The following DOCK8 variants were observed in gnomAD, a reference collection of about 807,000 sequenced individuals.
DOCK8 encodes the protein dedicator of cytokinesis protein 8.
Under a neutral mutation model 245.6 loss-of-function variants are expected in DOCK8, and 141 were observed. That is an observed-to-expected ratio of 0.57 (90% CI 0.50 to 0.66). DOCK8 has a LOEUF of 0.66. Among genes scored for constraint, DOCK8 ranks in the 30% least tolerant of loss-of-function variants. The pLI is 0.00. For synonymous variants in DOCK8, 1,168 were observed against 970.2 expected, an observed-to-expected ratio of 1.20 and a Z score of -3.79; for missense variants, 2,965 against 2,603.4, an observed-to-expected ratio of 1.14 and a Z score of -3.02.
intron 24 of DOCK8, among the ~76,000 whole-genome samples, chr9:391,437 A>T (rs1336829786): frequency 3.9e-5 from 6 of 152,270 alleles, no homozygotes; most frequent in South Asian, 2.1e-4. Flanking sequence ...GGCCCAATTA[A>T]TATCTGTTGG....
At chr9:324,528 G>C (rs1415011118) in intron 7 of DOCK8, among the ~76,000 whole-genome samples, 1 of 152,034 alleles carries the variant, frequency 6.6e-6, no homozygotes, top group Non-Finnish European at 1.5e-5. Flanking sequence ...ATTATGCTTT[G>C]GGATTCACCG....
chr9:441,510 A>G, intron 41 of DOCK8, 93 bp downstream of exon 41: 2 of 1,581,728 alleles, frequency 1.3e-6, no homozygotes, highest in Non-Finnish European at 1.7e-6. Flanking sequence ...CCAGGGAGTG[A>G]TTTATCTTTA....
chr9:414,930 C>T lies in DOCK8; in HGVS notation c.3679C>T (p.Pro1227Ser). The T allele has an allele frequency of 6.2e-7, 1 of 1,613,860 alleles. No homozygotes were observed. The highest frequency in any genetic ancestry group is 8.5e-7 in the Non-Finnish European group (1 of 1,180,018). ...AGTTGGCATCATTTTGGATGCTTTG[C>T]CACAGCTCTGTGACTTTACAGGTAA... is the stretch of plus-strand genomic sequence containing the variant. ...PLVGIILDAL[P>S]QLCDFTVADT... The change falls in exon 29 of 48, where the codon CCA becomes TCA. Residue 1227 changes from proline (P) to serine (S), a missense_variant. Pro to Ser is a moderately conservative substitution (Grantham distance 74). Around this residue, in one of 3 missense-constraint regions of DOCK8, gnomAD observed 2,825 missense variants for 2,453.5 expected, o/e 1.15. Transcript: ENST00000432829.
At chr9:398,946 A>G (rs1470379935) in intron 25 of DOCK8, among the ~76,000 whole-genome samples, 200 bp from the exon 26 acceptor site, 7 of 152,244 alleles carry the variant, frequency 4.6e-5, no homozygotes, top group Non-Finnish European at 8.8e-5. Flanking sequence ...CTAAATATTA[A>G]CAGTGCACGA....
At chr9:216,134 G>C (rs978241063) in intron 1 of DOCK8, among the ~76,000 whole-genome samples, 2 of 152,158 alleles carry the variant, frequency 1.3e-5, no homozygotes, top group African/African-American at 4.8e-5. Flanking sequence ...GTGACTGCCA[G>C]CAAACTGTTT....
chr9:334,543 G>C (rs2051217404), intron 11 of DOCK8, among the ~76,000 whole-genome samples, 159 bp downstream of exon 11: 1 of 152,182 alleles, frequency 6.6e-6, no homozygotes, highest in African/African-American at 2.4e-5. Flanking sequence ...GGATTACGTA[G>C]ATTTGGACGG....
At chr9:394,593 A>G (rs1459548004) in intron 24 of DOCK8, among the ~76,000 whole-genome samples, 3 of 152,210 alleles carry the variant, frequency 2.0e-5, no homozygotes, top group Non-Finnish European at 4.4e-5. Flanking sequence ...CGACTTTCAC[A>G]CTTGCTAATG....
chr9:425,105 A>C (rs1361756527), intron 33 of DOCK8, among the ~76,000 whole-genome samples: 1 of 152,230 alleles, frequency 6.6e-6, no homozygotes, highest in Non-Finnish European at 1.5e-5. Context: ...AATATATTAA[A>C]AATAATTTCA....
chr9:446,492 G>A lies in DOCK8; in HGVS notation c.5703G>A (p.Leu1901=). 6.2e-7 allele frequency: 1 copy of A among 1,614,212 alleles called. No homozygotes were observed. The change falls in exon 44 of 48, where the codon CTG becomes CTA. Residue 1901 remains leucine, a synonymous_variant. Coordinates refer to ENST00000432829, the MANE Select transcript of DOCK8 (RefSeq NM_203447.4). ...RRFMYTTPFT[L]EGRPRGELHE... ...TCATGTACACCACCCCGTTCACCCT[G>A]GAGGGGCGGCCTCGGGGAGAGCTGC...
Position 464,540 on chromosome 9 carries a change from T to C in DOCK8, c.*321T>C, listed in dbSNP as rs2057912474. On this transcript the variant is annotated 3_prime_UTR_variant, in exon 48 of 48. Transcript: ENST00000432829. ...GCTGACTGGCCAATCACTGCCCATC[T>C]GAGAGATGATTTCCTCTGGCCCATA... 4.6e-6 allele frequency: 2 copies of C among 432,600 alleles called. No individual in the cohort carries two copies. Among genetic ancestry groups the C allele is most frequent in the Non-Finnish European group, 8.5e-6 (2 of 234,424 alleles). The allele number at this position is 432,600 out of a possible 1,614,324, so 26.8% of individuals were successfully genotyped here.
chr9:365,144 T>C (rs1015255970), intron 14 of DOCK8, among the ~76,000 whole-genome samples: 1 of 152,234 alleles, frequency 6.6e-6, no homozygotes, highest in African/African-American at 2.4e-5. Context: ...GAAACCCTTG[T>C]AGGGGACTGA....
In DOCK8 at chr9:404,892, A is replaced by G. The variant is rs564672521; in HGVS notation, c.3235-26A>G. The G allele has an allele frequency of 3.1e-5, 50 of 1,613,430 alleles. No homozygotes were observed. The East Asian group carries it at 1.0e-3, about 32-fold the overall frequency. On this transcript the variant is annotated intron_variant, in intron 26 of 47. Transcript: ENST00000432829. Reference sequence around the variant, plus strand: ...CCACTTACCTTGTAATAAATGTTTCATTCCTCTTTTCATTTTTCTTCCCAG... The same window carrying G: ...CCACTTACCTTGTAATAAATGTTTCGTTCCTCTTTTCATTTTTCTTCCCAG...
chr9:326,641 C>G (rs779756736), intron 8 of DOCK8, among the ~76,000 whole-genome samples: 11 of 152,208 alleles, frequency 7.2e-5, no homozygotes, highest in Admixed American at 1.3e-4. Context: ...GTTTCTTTAA[C>G]CATCCAGGGT....
intron 14 of DOCK8, among the ~76,000 whole-genome samples, chr9:349,680 C>A (rs556754773): frequency 7.9e-5 from 12 of 152,326 alleles, no homozygotes; most frequent in Non-Finnish European, 1.3e-4. Context: ...TTCTAAACTT[C>A]TGTCAATCAG....
At chr9:441,682 A>T (rs1421218584) in intron 41 of DOCK8, among the ~76,000 whole-genome samples, 193 bp from the exon 42 acceptor site, 1 of 152,240 alleles carries the variant, frequency 6.6e-6, no homozygotes, top group Non-Finnish European at 1.5e-5. Context: ...GAAATCTTTC[A>T]TGGGATTCCT....
rs73374530 is a variant in DOCK8 at position 271,518 on chromosome 9, T to C, written c.54-109T>C. 9.9e-3 allele frequency: 8,445 copies of C among 854,160 alleles called. 414 individuals are homozygous for C. In the African/African-American group the frequency reaches 0.11, roughly 12 times the overall value. The allele number at this position is 854,160 out of a possible 1,614,324, so 52.9% of individuals were successfully genotyped here. On this transcript the variant is annotated intron_variant, in intron 1 of 47. Coordinates refer to ENST00000432829, the MANE Select transcript of DOCK8 (RefSeq NM_203447.4). ...AGGTATCTTAGTCAGTTCTGCTCAT[T>C]GCCCAGCCAAGGCCTACGTTTTATA...
At chr9:333,317 C>G (rs1270541961) in intron 10 of DOCK8, among the ~76,000 whole-genome samples, 1 of 152,208 alleles carries the variant, frequency 6.6e-6, no homozygotes, top group East Asian at 1.9e-4. Context: ...AAAACATGGC[C>G]TTGGCCGGGC....
intron 46 of DOCK8, chr9:457,147 C>G (rs2057666148): frequency 6.6e-6 from 1 of 152,008 alleles, no homozygotes; most frequent in Non-Finnish European, 1.5e-5. Context: ...AACTTGAGAC[C>G]AAGGCCATAT....
intron 46 of DOCK8, among the ~76,000 whole-genome samples, chr9:453,801 T>C (rs34110508): frequency 0.068 from 10,405 of 152,180 alleles, 399 homozygotes; most frequent in Middle Eastern, 0.085. Context: ...GGCTCAGAGA[T>C]TGGGGGCTTA....
Sources: allele counts gnomAD v4.1 joint callset (sites outside exome capture counted in the v4.1 genomes callset), GRCh38; gene constraint gnomAD v4.1.1; regional missense constraint gnomAD v4.1.1; transcripts MANE v1.5; gene names NCBI Gene and HGNC (gene_info 2026-07-23, HGNC 2026-07-21).